Variants in PRKAR1B observed in about 807,000 individuals in gnomAD.
The protein encoded by PRKAR1B is protein kinase cAMP-dependent type I regulatory subunit beta, also known as cAMP-dependent protein kinase type I-beta regulatory subunit.
PRKAR1B carries 22 observed loss-of-function variants against 46.5 expected under a neutral mutation model. The observed-to-expected ratio is 0.47, with a 90% CI of 0.34 to 0.68. The LOEUF is 0.68. PRKAR1B is among the 30% of genes least tolerant of loss of function. The probability of loss-of-function intolerance (pLI) is 0.01; values close to 1 mark genes in which losing one functional copy is unlikely to be tolerated. For missense variants in PRKAR1B, 445 were observed against 535.6 expected (o/e 0.83, Z 1.67); for synonymous variants, 259 against 217.7 (o/e 1.19, Z -1.67).
chr7:577,106 T>TCGTCCAACGCCATCAGCGGCCC (rs1175060789), intron 9 of PRKAR1B, among the ~76,000 whole-genome samples: 6 of 151,466 alleles, frequency 4.0e-5, no homozygotes, highest in African/African-American at 1.2e-4. Flanking sequence ...ATCAACGGCC[T>TCGTCCAACGCCATCAGCGGCCC]CGTCCAACGC....
chr7:594,648 C>T (rs1781163822), intron 7 of PRKAR1B, among the ~76,000 whole-genome samples: 3 of 152,106 alleles, frequency 2.0e-5, no homozygotes, highest in Admixed American at 2.0e-4. Flanking sequence ...ATGAAGGAAC[C>T]CCAAGACCAT....
At chr7:632,713 G>A (rs1422525246) in intron 4 of PRKAR1B, among the ~76,000 whole-genome samples, 7 of 152,196 alleles carry the variant, frequency 4.6e-5, no homozygotes, top group South Asian at 2.1e-4. Context: ...GAAATGCCAC[G>A]GAGGCTGCAC....
chr7:551,647 CCTT>C (rs1305294884), intron 9 of PRKAR1B, among the ~76,000 whole-genome samples, 177 bp from the exon 10 acceptor site: 38 of 148,120 alleles, frequency 2.6e-4, no homozygotes, highest in Non-Finnish European at 4.5e-4. Flanking sequence ...CCACCCAGGT[CCTT>C]CTCCTGGAGC....
chr7:718,113 C>T (rs978353670), intron 1 of PRKAR1B, among the ~76,000 whole-genome samples: 2 of 151,986 alleles, frequency 1.3e-5, no homozygotes, highest in Non-Finnish European at 2.9e-5. Flanking sequence ...CACTTGGGAA[C>T]GGTCCCTTCC....
chr7:625,959 G>T (rs1362513462), intron 4 of PRKAR1B, among the ~76,000 whole-genome samples: 1 of 147,248 alleles, frequency 6.8e-6, no homozygotes, highest in Non-Finnish European at 1.5e-5. Flanking sequence ...AGTGAGCCGA[G>T]ATCGCGCCAT....
At chr7:693,827 C>T (rs1340600950) in intron 2 of PRKAR1B, among the ~76,000 whole-genome samples, 1 of 152,216 alleles carries the variant, frequency 6.6e-6, no homozygotes, top group Non-Finnish European at 1.5e-5. Context: ...TGCCAAGCTT[C>T]CTTCCACTGT....
chr7:648,604 C>A (rs1170307515), intron 4 of PRKAR1B, among the ~76,000 whole-genome samples: 3 of 151,784 alleles, frequency 2.0e-5, no homozygotes, highest in African/African-American at 7.3e-5. Context: ...GAGTGAGACT[C>A]CGTCTCAAAA....
chr7:656,506 T>A (rs1167339944), intron 4 of PRKAR1B, among the ~76,000 whole-genome samples: 2 of 152,130 alleles, frequency 1.3e-5, no homozygotes, highest in African/African-American at 4.8e-5. Context: ...AATGTGTGGA[T>A]GGATGACTAA....
At chr7:651,232 C>T (rs1340290703) in intron 4 of PRKAR1B, among the ~76,000 whole-genome samples, 1 of 152,228 alleles carries the variant, frequency 6.6e-6, no homozygotes, top group Non-Finnish European at 1.5e-5. Context: ...AGGGACCTGC[C>T]ATGAGGGGTG....
chr7:550,117 G>T lies in PRKAR1B; in HGVS notation c.*313C>A. ...GAGGACCGATCCTCAAGCATCTCCA[G>T]GAGACTGGCAGGGGTGGGGTGGGCC... On this transcript the variant is annotated 3_prime_UTR_variant, in exon 11 of 11. Transcript: ENST00000537384. 1 of 377,952 alleles carries T rather than the reference G, an allele frequency of 2.6e-6. No individual in the cohort carries two copies. The highest frequency in any genetic ancestry group is 4.9e-6 in the Non-Finnish European group (1 of 203,090). The allele number at this position is 377,952 out of a possible 1,614,324, so 23.4% of individuals were successfully genotyped here.
intron 4 of PRKAR1B, among the ~76,000 whole-genome samples, chr7:623,220 C>T (rs1562569311): frequency 6.6e-6 from 1 of 152,182 alleles, no homozygotes; most frequent in Admixed American, 6.5e-5. Flanking sequence ...TCAGTCCTGG[C>T]ATCATGGAAA....
intron 2 of PRKAR1B, among the ~76,000 whole-genome samples, chr7:694,080 G>C (rs1422265240): frequency 2.6e-5 from 4 of 152,102 alleles, no homozygotes; most frequent in South Asian, 4.2e-4. Context: ...GTCAGGAGAT[G>C]GAGACCATCC....
At position 602,259 on chromosome 7, in the gene PRKAR1B, G is replaced by A. The variant is rs1183132127; in HGVS notation, c.549+3934C>T. On this transcript the variant is annotated intron_variant, in intron 6 of 10. Coordinates refer to ENST00000537384, the MANE Select transcript of PRKAR1B (RefSeq NM_001164760.2). The surrounding 1 kb of genome is among the most constrained non-coding windows in gnomAD (Gnocchi z 6.4). The stretch of plus-strand genomic sequence containing the variant: ...CCGGCCTCTCCCACCACCCTGTCAT[G>A]TATGAAGGAGTTACAGACGGCGGCG... Among the ~76,000 whole-genome samples, 1 of 149,242 alleles carries A rather than the reference G, an allele frequency of 6.7e-6. No individual in the cohort carries two copies. The highest frequency in any genetic ancestry group is 1.5e-5 in the Non-Finnish European group (1 of 67,482).
intron 7 of PRKAR1B, among the ~76,000 whole-genome samples, chr7:587,204 A>G (rs1483209080): frequency 6.6e-6 from 1 of 152,064 alleles, no homozygotes; most frequent in Admixed American, 6.5e-5. Context: ...GAGCCCCCCA[A>G]ATGCCTGTCA....
chr7:677,046 G>A lies in PRKAR1B; in HGVS notation c.440+183C>T, dbSNP rs189275601. Among the ~76,000 whole-genome samples, 951 of 150,578 alleles carry A rather than the reference G, an allele frequency of 6.3e-3. 8 individuals carry two copies. The highest frequency in any genetic ancestry group is 0.022 in the African/African-American group (908 of 40,946). On this transcript the variant is annotated intron_variant, in intron 4 of 10. Transcript: ENST00000537384. Reference sequence around the variant, plus strand: ...TGGTGATTCCTGGGCAAGCAACGGGGCCTGCCCACCTCCCGGAGGCCGGAG... The same window carrying A: ...TGGTGATTCCTGGGCAAGCAACGGGACCTGCCCACCTCCCGGAGGCCGGAG...
rs1039264382 is a variant in PRKAR1B, at chr7:667,677, G to A, written c.440+9552C>T. Among the ~76,000 whole-genome samples, 1 of 152,208 alleles carries A rather than the reference G, an allele frequency of 6.6e-6. No individual in the cohort carries two copies. The highest frequency in any genetic ancestry group is 1.5e-5 in the Non-Finnish European group (1 of 68,042). ...AGGTGCAGGTGATGTGTCCTTACAG[G>A]GGAGGGAGCACAGGCTTAGGTGCCC... On this transcript the variant is annotated intron_variant, in intron 4 of 10. Transcript: ENST00000537384. This position sits in a 1 kb window ranked among gnomAD's most constrained non-coding sequence, Gnocchi z 4.3.
chr7:589,781 A>G (rs1780875006), intron 7 of PRKAR1B, among the ~76,000 whole-genome samples: 1 of 152,204 alleles, frequency 6.6e-6, no homozygotes, highest in Non-Finnish European at 1.5e-5. Flanking sequence ...CAGAGCACCT[A>G]CCGTGTGCAC....
At chr7:649,266 A>G (rs1784775099) in intron 4 of PRKAR1B, among the ~76,000 whole-genome samples, 1 of 152,244 alleles carries the variant, frequency 6.6e-6, no homozygotes, top group Non-Finnish European at 1.5e-5. Context: ...TTCCCACAGA[A>G]TTTATCCCAA....
chr7:695,839 T>C (rs1779705620), intron 2 of PRKAR1B, among the ~76,000 whole-genome samples: 1 of 151,962 alleles, frequency 6.6e-6, no homozygotes, highest in South Asian at 2.1e-4. Context: ...AATTTTTTTG[T>C]ATTTTTAGTA....
Sources: gnomAD v4.1 joint callset for allele counts (sites outside exome capture counted in the v4.1 genomes callset) on GRCh38, gnomAD v4.1.1 for gene constraint, Gnocchi (gnomAD v3.1) non-coding constraint, MANE v1.5 for transcripts, NCBI Gene and HGNC (gene_info 2026-07-23, HGNC 2026-07-21) for gene names.